Variants in TIAM1 observed in about 807,000 individuals in gnomAD.
TIAM1 encodes rho guanine nucleotide exchange factor TIAM1.
Under a neutral mutation model 163.5 loss-of-function variants are expected in TIAM1, and 65 were observed. The ratio of observed to expected loss-of-function variants is 0.40; its 90% CI spans 0.33 to 0.49. The LOEUF is 0.49. Among genes scored for constraint, TIAM1 ranks in the 20% least tolerant of loss-of-function variants. The pLI, the probability that TIAM1 is intolerant of heterozygous loss-of-function variation, is 0.77. For missense variants in TIAM1, 1,789 were observed against 2,044.7 expected, an observed-to-expected ratio of 0.87 and a Z score of 2.41; for synonymous variants, 833 against 810.1, an observed-to-expected ratio of 1.03 and a Z score of -0.48.
chr21:31,469,505 T>C (rs909554212), intron 1 of TIAM1, among the ~76,000 whole-genome samples: 15 of 151,984 alleles, frequency 9.9e-5, no homozygotes, highest in African/African-American at 3.6e-4. Context: ...CTGACAACAG[T>C]AGAAGAAGAA....
Position 31,407,344 on chromosome 21 carries a change from C to T in TIAM1, c.-369+56639G>A, listed in dbSNP as rs2077264449. ...GCTCATGGAGCATTTTATTAATTTA[C>T]ACACCATCAGTGGAGTTCACAGATG... On this transcript the variant is annotated intron_variant, in intron 2 of 28. Coordinates refer to the TIAM1 transcript ENST00000286827. Among the ~76,000 whole-genome samples the T allele has an allele frequency of 3.3e-5, 5 of 152,064 alleles. No homozygotes were observed. In the South Asian group the frequency reaches 1.0e-3, roughly 32 times the overall value.
At chr21:31,172,263 C>T (rs540423984) in intron 15 of TIAM1, among the ~76,000 whole-genome samples, 15 of 152,110 alleles carry the variant, frequency 9.9e-5, no homozygotes, top group African/African-American at 3.6e-4. Flanking sequence ...CTAAACACTC[C>T]CAGCTTAAGA....
Position 31,143,569 on chromosome 21 carries a change from A to G in TIAM1, c.3476-2065T>C, listed in dbSNP as rs8127580. On this transcript the variant is annotated intron_variant, in intron 20 of 27. Coordinates refer to ENST00000541036, the MANE Select transcript of TIAM1 (RefSeq NM_001353694.2). ...AGAAAGCTTAAAATACAAAAATTTA[A>G]AAGTTTAATGATATTTATAGATTTT... Among the ~76,000 whole-genome samples, 323 of 151,960 alleles carry G rather than the reference A, an allele frequency of 2.1e-3. 1 individual carries two copies. The highest frequency in any genetic ancestry group is 7.4e-3 in the African/African-American group (307 of 41,528).
rs1311162888 is a variant in TIAM1, at chr21:31,232,914, TATACAGTTCGGTGAAGGGA to T, written c.1585-6983_1585-6965del. Reference sequence around the variant, plus strand: ...CCTTCTGGAGATGCTATAAATACTGTATACAGTTCGGTGAAGGGAATAAGCAAAGTTCTTGCCAACAGAC... The same window carrying T: ...CCTTCTGGAGATGCTATAAATACTGTATAAGCAAAGTTCTTGCCAACAGAC... On this transcript the variant is annotated intron_variant, in intron 6 of 27. Transcript: ENST00000541036. Among the ~76,000 whole-genome samples the T allele has an allele frequency of 2.0e-5, 3 of 151,788 alleles. No homozygotes were observed. The East Asian group carries it at 5.8e-4, about 29-fold the overall frequency.
chr21:31,487,759 T>C (rs1470272114), intron 1 of TIAM1, among the ~76,000 whole-genome samples: 1 of 151,462 alleles, frequency 6.6e-6, no homozygotes. Flanking sequence ...GGGTTTCACC[T>C]TGTTAGCCAG....
At chr21:31,529,657 G>A (rs890384099) in intron 1 of TIAM1, among the ~76,000 whole-genome samples, 1 of 152,230 alleles carries the variant, frequency 6.6e-6, no homozygotes, top group Non-Finnish European at 1.5e-5. Flanking sequence ...CACCCATCCA[G>A]CATTGCTCCT....
At chr21:31,163,149 T>G (rs2084014437) in intron 16 of TIAM1, among the ~76,000 whole-genome samples, 2 of 152,202 alleles carry the variant, frequency 1.3e-5, no homozygotes, top group African/African-American at 4.8e-5. Flanking sequence ...ACTTTTTAAG[T>G]GTTCAGAAAT....
intron 25 of TIAM1, among the ~76,000 whole-genome samples, chr21:31,128,945 T>C (rs2082309506): frequency 7.0e-6 from 1 of 143,496 alleles, no homozygotes; most frequent in African/African-American, 2.7e-5. Flanking sequence ...GATCCAGTTT[T>C]ACTGCTTATG....
rs58560437 is a variant in TIAM1, at chr21:31,315,679, C to CAAAAAAAAAAAAAAA, written c.-189+23549_-189+23563dup. On this transcript the variant is annotated intron_variant, in intron 2 of 27. Coordinates refer to ENST00000541036, the MANE Select transcript of TIAM1 (RefSeq NM_001353694.2). ...GGGCAACAAGAGCAAAACTCCATCT[C>CAAAAAAAAAAAAAAA]AAAAAAAAAAAAAAAAAAAAGGACA... Among the ~76,000 whole-genome samples the CAAAAAAAAAAAAAAA allele has an allele frequency of 9.1e-3, 730 of 80,170 alleles. 21 individuals are homozygous for CAAAAAAAAAAAAAAA. The highest frequency in any genetic ancestry group is 0.011 in the Non-Finnish European group (436 of 39,666). The allele number at this position is 80,170 out of a possible 152,430, so 52.6% of individuals were successfully genotyped here. A position where few individuals can be genotyped will look rare whatever the true frequency, so the allele number is the denominator to read the frequency against.
chr21:31,276,225 GAA>G (rs1042243916), intron 3 of TIAM1, among the ~76,000 whole-genome samples: 2 of 152,150 alleles, frequency 1.3e-5, no homozygotes, highest in Non-Finnish European at 1.5e-5. Flanking sequence ...TACAACCCAT[GAA>G]AAGAGTTTTG....
At chr21:31,412,278 T>C (rs1404699110) in intron 2 of TIAM1, among the ~76,000 whole-genome samples, 1 of 152,222 alleles carries the variant, frequency 6.6e-6, no homozygotes, top group East Asian at 1.9e-4. Flanking sequence ...CTTGAAAGGA[T>C]GGCGGGGTGC....
chr21:31,203,125 T>G lies in TIAM1; in HGVS notation c.2389-113A>C, dbSNP rs550710069. On this transcript the variant is annotated intron_variant, in intron 11 of 27. Coordinates refer to ENST00000541036, the MANE Select transcript of TIAM1 (RefSeq NM_001353694.2). ...TATGACCAATAGAGTTTGTTGTTGT[T>G]GTTGTTGTTGTTTTGAGATGGAGTT... 6.2e-5 allele frequency: 56 copies of G among 904,676 alleles called. 1 individual carries two copies. In the South Asian group the frequency reaches 8.1e-4, roughly 13 times the overall value. 56.0% of individuals were successfully genotyped at this position (904,676 alleles called of 1,614,324 possible).
At chr21:31,455,233 C>G (rs2045043506) in intron 2 of TIAM1, among the ~76,000 whole-genome samples, 2 of 131,966 alleles carry the variant, frequency 1.5e-5, no homozygotes. Context: ...GAGGTGAGAT[C>G]ATACCATTGC....
upstream of TIAM1, among the ~76,000 whole-genome samples, chr21:31,346,960 A>T (rs1329475489): frequency 1.3e-5 from 2 of 151,606 alleles, no homozygotes; most frequent in Admixed American, 6.6e-5. Context: ...GGGGGAGAAG[A>T]GCTTTTTGTT....
At chr21:31,336,159 C>T (rs1260155369) in intron 2 of TIAM1, among the ~76,000 whole-genome samples, 3 of 150,762 alleles carry the variant, frequency 2.0e-5, no homozygotes, top group African/African-American at 7.5e-5. Context: ...GGGGAGCGTT[C>T]GGCCGGCCAT....
chr21:31,323,878 T>G (rs2147039511), intron 2 of TIAM1, among the ~76,000 whole-genome samples: 1 of 151,862 alleles, frequency 6.6e-6, no homozygotes, highest in Middle Eastern at 3.4e-3. Flanking sequence ...TGTGGTGGTG[T>G]GTGCTTGTAG....
rs756017673 is a variant in TIAM1 at position 31,154,437 on chromosome 21, CA to C, written c.2992-12del. On this transcript the variant is annotated splice_polypyrimidine_tract_variant and intron_variant, in intron 16 of 27. Coordinates refer to ENST00000541036, the MANE Select transcript of TIAM1 (RefSeq NM_001353694.2). Reference sequence around the variant, plus strand: ...CACCTGTTCTGTACTCTTCGGAGCACAGGGGGGAAGGGAAGGCAGAGGTCAT... The same window carrying C: ...CACCTGTTCTGTACTCTTCGGAGCACGGGGGGAAGGGAAGGCAGAGGTCAT... 6.3e-5 allele frequency: 102 copies of C among 1,609,866 alleles called. 1 individual carries two copies. The Admixed American group carries it at 1.6e-3, about 25-fold the overall frequency.
chr21:31,249,121 C>A (rs1005310660), intron 5 of TIAM1, among the ~76,000 whole-genome samples: 19 of 152,148 alleles, frequency 1.2e-4, no homozygotes, highest in African/African-American at 4.1e-4. Context: ...ATCCAGTTAG[C>A]TCAGAATATG....
intron 19 of TIAM1, among the ~76,000 whole-genome samples, chr21:31,151,191 A>G (rs1168009224): frequency 6.6e-6 from 1 of 152,206 alleles, no homozygotes; most frequent in Non-Finnish European, 1.5e-5. Flanking sequence ...TACCCTTACC[A>G]TATGACCCAA....
Sources: allele counts gnomAD v4.1 joint callset (sites outside exome capture counted in the v4.1 genomes callset), GRCh38; gene constraint gnomAD v4.1.1; transcripts MANE v1.5; gene names NCBI Gene and HGNC (gene_info 2026-07-23, HGNC 2026-07-21).